SRGAP1: variants seen among roughly 807,000 people sequenced by gnomAD.
The protein encoded by SRGAP1 is SLIT-ROBO Rho GTPase-activating protein 1.
In SRGAP1, 43 loss-of-function variants were observed where a neutral mutation model predicts 121.9. The observed-to-expected ratio is 0.35, with a 90% CI of 0.28 to 0.46. The LOEUF is 0.46. Among genes scored for constraint, SRGAP1 ranks in the 20% least tolerant of loss-of-function variants. The pLI, the probability that SRGAP1 is intolerant of heterozygous loss-of-function variation, is 1.00. For missense variants in SRGAP1, 1,102 were observed against 1,350.9 expected, an observed-to-expected ratio of 0.82 and a Z score of 2.89; for synonymous variants, 447 against 485.4, an observed-to-expected ratio of 0.92 and a Z score of 1.04.
chr12:64,114,887 A>G (rs2036493257), intron 17 of SRGAP1, among the ~76,000 whole-genome samples: 1 of 152,182 alleles, frequency 6.6e-6, no homozygotes, highest in Non-Finnish European at 1.5e-5. Flanking sequence ...GGAAGTCAAC[A>G]GTGTAGTAGT....
chr12:63,927,490 T>C (rs553975169), intron 1 of SRGAP1, among the ~76,000 whole-genome samples: 41 of 152,354 alleles, frequency 2.7e-4, no homozygotes, highest in African/African-American at 9.6e-4. Flanking sequence ...TCCCTGTTTC[T>C]GACCCCACTT....
intron 1 of SRGAP1, among the ~76,000 whole-genome samples, chr12:63,914,977 C>A (rs2030712058): frequency 6.6e-6 from 1 of 152,114 alleles, no homozygotes; most frequent in African/African-American, 2.4e-5. Context: ...GCTTATTGGA[C>A]AATTGATACT....
intron 6 of SRGAP1, among the ~76,000 whole-genome samples, chr12:64,048,018 G>A (rs144537631): frequency 1.5e-3 from 225 of 152,130 alleles, no homozygotes; most frequent in African/African-American, 4.9e-3. Flanking sequence ...ATTTTTAAGT[G>A]TACAACAAAT....
chr12:63,940,265 G>A (rs899080151), intron 1 of SRGAP1, among the ~76,000 whole-genome samples: 54 of 151,758 alleles, frequency 3.6e-4, no homozygotes, highest in African/African-American at 1.2e-3. Context: ...CCTGGCCTCT[G>A]TCTCCCATTT....
At position 63,857,680 on chromosome 12, in the gene SRGAP1, G is replaced by T. The variant is rs374535150; in HGVS notation, c.67+12797G>T. Among the ~76,000 whole-genome samples the T allele has an allele frequency of 8.5e-5, 13 of 152,206 alleles. No homozygotes were observed. The East Asian group carries it at 2.1e-3, about 25-fold the overall frequency. ...ATTACAGGCATGAGCCACCGTGCCT[G>T]GCTGCAGTTTACTTTTACATAGCCA... is the stretch of plus-strand genomic sequence containing the variant. On this transcript the variant is annotated intron_variant, in intron 1 of 21. Transcript: ENST00000355086.
At chr12:64,020,692 AATTAGCC>A (rs2034522054) in intron 4 of SRGAP1, among the ~76,000 whole-genome samples, 1 of 151,844 alleles carries the variant, frequency 6.6e-6, no homozygotes, top group African/African-American at 2.4e-5. Context: ...AAAATACAAA[AATTAGCC>A]AGGCGTGGTG....
intron 11 of SRGAP1, among the ~76,000 whole-genome samples, chr12:64,088,983 G>A (rs771275245): frequency 5.3e-5 from 8 of 152,186 alleles, no homozygotes; most frequent in Admixed American, 1.3e-4. Context: ...GGACCTTATT[G>A]TAATAACCAC....
intron 3 of SRGAP1, among the ~76,000 whole-genome samples, chr12:64,006,931 G>A (rs1593033161): frequency 6.6e-6 from 1 of 152,164 alleles, no homozygotes; most frequent in East Asian, 1.9e-4. Context: ...TTTAGCTGAT[G>A]GATCTTTAGC....
chr12:63,999,223 G>A (rs1238816138), intron 3 of SRGAP1, among the ~76,000 whole-genome samples: 1 of 152,190 alleles, frequency 6.6e-6, no homozygotes, highest in Non-Finnish European at 1.5e-5. Flanking sequence ...CAAAGAATGG[G>A]AGAGGGCAGA....
intron 6 of SRGAP1, among the ~76,000 whole-genome samples, chr12:64,044,674 C>CTTTTTTTTTTTG (rs2035090585): frequency 1.4e-5 from 1 of 72,118 alleles, no homozygotes. Flanking sequence ...TGATGTGCCT[C>CTTTTTTTTTTTG]TTTTTTTTTT....
intron 1 of SRGAP1, among the ~76,000 whole-genome samples, chr12:63,891,841 G>A (rs560763059): frequency 3.3e-5 from 5 of 151,950 alleles, no homozygotes; most frequent in Non-Finnish European, 7.4e-5. Context: ...ACAAAAATTA[G>A]CTGGGTGTGG....
chr12:64,004,257 A>G (rs973986352), intron 3 of SRGAP1, among the ~76,000 whole-genome samples: 1 of 152,210 alleles, frequency 6.6e-6, no homozygotes, highest in African/African-American at 2.4e-5. Context: ...GCAGTCCCTC[A>G]TGTCCCATGA....
intron 10 of SRGAP1, among the ~76,000 whole-genome samples, chr12:64,086,290 G>A (rs2035937890): frequency 6.6e-6 from 1 of 152,140 alleles, no homozygotes; most frequent in Non-Finnish European, 1.5e-5. Context: ...ATAAACACAT[G>A]CAAACTTGAA....
intron 1 of SRGAP1, among the ~76,000 whole-genome samples, chr12:63,911,156 A>T (rs1592938526): frequency 6.6e-6 from 1 of 152,024 alleles, no homozygotes; most frequent in Non-Finnish European, 1.5e-5. Flanking sequence ...AAAATTAGCC[A>T]GGCGTGGTGG....
intron 21 of SRGAP1, among the ~76,000 whole-genome samples, chr12:64,140,439 C>T (rs1409022530): frequency 2.1e-5 from 3 of 146,122 alleles, no homozygotes; most frequent in Non-Finnish European, 4.5e-5. Context: ...TTGTAGTTCT[C>T]CTTGAAGAGG....
rs557792755 is a variant in SRGAP1 at position 64,115,780 on chromosome 12, T to C, written c.2145-34T>C. ...TGTCTCAAAAAATTTTTGTCTATTT[T>C]AATTTCATATGAATTTCCATTTGTA... On this transcript the variant is annotated intron_variant, in intron 17 of 21. Transcript: ENST00000355086. 454 of 1,590,988 alleles carry C rather than the reference T, an allele frequency of 2.9e-4. 3 individuals carry two copies. In the South Asian group the frequency reaches 4.9e-3, roughly 17 times the overall value.
chr12:64,129,975 G>GGTTGTTGTTGTTGTTGTTGTT (rs57651653), intron 21 of SRGAP1, among the ~76,000 whole-genome samples: 4 of 151,236 alleles, frequency 2.6e-5, no homozygotes, highest in Admixed American at 6.6e-5. Flanking sequence ...AGCAGGTCGT[G>GGTTGTTGTTGTTGTTGTTGTT]GTTGTTGTTG....
At chr12:63,972,656 A>G (rs560247045) in intron 1 of SRGAP1, among the ~76,000 whole-genome samples, 140 of 152,354 alleles carry the variant, frequency 9.2e-4, no homozygotes, top group African/African-American at 3.2e-3. Context: ...GGATCTTATA[A>G]TACATTATAG....
At chr12:63,976,491 TTATC>T (rs1359843077) in intron 1 of SRGAP1, among the ~76,000 whole-genome samples, 1 of 152,164 alleles carries the variant, frequency 6.6e-6, no homozygotes, top group Non-Finnish European at 1.5e-5. Context: ...CCCCCTCTCA[TTATC>T]TGTCTGTGTT....
Sources: allele counts gnomAD v4.1 joint callset (sites outside exome capture counted in the v4.1 genomes callset), GRCh38; gene constraint gnomAD v4.1.1; transcripts MANE v1.5; gene names NCBI Gene and HGNC (gene_info 2026-07-23, HGNC 2026-07-21).